Variants in ABCB11 observed in about 807,000 individuals in gnomAD.
ABCB11 encodes the protein ATP binding cassette subfamily B member 11, also known as bile salt export pump.
ABCB11 carries 95 observed loss-of-function variants against 148.0 expected under a neutral mutation model. The observed-to-expected ratio is 0.64, with a 90% CI of 0.54 to 0.76. The LOEUF is 0.76. ABCB11 is among the 30% of genes least tolerant of loss of function. The pLI, the probability that ABCB11 is intolerant of heterozygous loss-of-function variation, is 0.00. For missense variants in ABCB11, 1,523 were observed against 1,617.8 expected (o/e 0.94, Z 1.01); for synonymous variants, 591 against 555.4 (o/e 1.06, Z -0.90).
At chr2:168,980,094 G>T in intron 10 of ABCB11, 115 bp from the exon 11 acceptor site, 1 of 590,660 alleles carries the variant, frequency 1.7e-6, no homozygotes, top group Non-Finnish European at 3.0e-6. Flanking sequence ...CTCTTCTGTG[G>T]GTTCAAAAGC....
chr2:169,011,598 C>CT (rs1695189633), intron 5 of ABCB11, among the ~76,000 whole-genome samples: 1 of 152,190 alleles, frequency 6.6e-6, no homozygotes, highest in Non-Finnish European at 1.5e-5. Flanking sequence ...ACCTCCAAGT[C>CT]TGTCACTGCA....
chr2:169,011,219 G>A (rs751392590), intron 5 of ABCB11, among the ~76,000 whole-genome samples: 1 of 152,082 alleles, frequency 6.6e-6, no homozygotes, highest in Non-Finnish European at 1.5e-5. Flanking sequence ...TATACTTGAG[G>A]ACCTTTTCCT....
chr2:169,000,107 T>C (rs1284326913), intron 5 of ABCB11, among the ~76,000 whole-genome samples: 2 of 152,158 alleles, frequency 1.3e-5, no homozygotes, highest in Admixed American at 6.6e-5. Flanking sequence ...ATTTGCCATC[T>C]TTTGTCCTTA....
intron 5 of ABCB11, among the ~76,000 whole-genome samples, chr2:169,010,825 A>T (rs1695160007): frequency 6.6e-6 from 1 of 152,194 alleles, no homozygotes; most frequent in Admixed American, 6.5e-5. Flanking sequence ...TATTTAACTC[A>T]TCAAGGAGTT....
chr2:169,003,431 TATC>T (rs939308362), intron 5 of ABCB11, among the ~76,000 whole-genome samples: 14 of 150,104 alleles, frequency 9.3e-5, no homozygotes, highest in Non-Finnish European at 1.9e-4. Flanking sequence ...ATTACATATA[TATC>T]ATATCTGTAT....
Position 168,986,178 on chromosome 2 carries a change from G to A in ABCB11, c.1015C>T (p.Leu339=), listed in dbSNP as rs1694313348. The change falls in exon 10 of 28, where the codon CTG becomes TTG. Residue 339 remains leucine (L), a synonymous_variant. Transcript: ENST00000650372. ...VWCLIFLCYA[L]AFWYGSTLVL... ...AGTGTGGAGCCGTACCAGAAGGCCA[G>A]TGCATAACACAAAAAGATGAGACAC... 6.2e-7 allele frequency: 1 copy of A among 1,613,156 alleles called. No homozygotes were observed. Among genetic ancestry groups the A allele is most frequent in the South Asian group, 1.1e-5 (1 of 91,058 alleles).
intron 12 of ABCB11, among the ~76,000 whole-genome samples, chr2:168,975,328 AATAT>A (rs1457300590): frequency 3.1e-5 from 2 of 64,694 alleles, no homozygotes; most frequent in Admixed American, 3.4e-4. Flanking sequence ...TAAATATATA[AATAT>A]ATAAATATTT....
In ABCB11 at chr2:169,030,597, G is replaced by T. The variant is rs138696139; in HGVS notation, c.-28+628C>A. Among the ~76,000 whole-genome samples, 109 of 152,236 alleles carry T rather than the reference G, an allele frequency of 7.2e-4. 1 individual carries two copies. The highest frequency in any genetic ancestry group is 2.5e-3 in the African/African-American group (102 of 41,542). ...CCAGTCTGAAGTGTGAATAATATTTGATCTCTGTGCTCAAGCCATTAGCAA... is the reference window on the plus strand; with the variant it reads ...CCAGTCTGAAGTGTGAATAATATTTTATCTCTGTGCTCAAGCCATTAGCAA... On this transcript the variant is annotated intron_variant, in intron 1 of 27. Coordinates refer to ENST00000650372, the MANE Select transcript of ABCB11 (RefSeq NM_003742.4).
chr2:168,969,359 C>G lies in ABCB11; in HGVS notation c.2002G>C (p.Asp668His). 6.2e-7 allele frequency: 1 copy of G among 1,611,640 alleles called. No homozygotes were observed. The part of the protein sequence containing the change: ...SQGNQALNEE[D>H]IKDATEDDML... ...GGGAAAAAGCACTTGCCCTTTATGT[C>G]CTCTTCATTAAGAGCTTGATTTCCC... Residue 668 changes from aspartate (D) to histidine (H), a missense_variant, in exon 16 of 28, where the codon GAC becomes CAC. Transcript: ENST00000650372.
chr2:169,019,991 A>G (rs1695489448), intron 1 of ABCB11, among the ~76,000 whole-genome samples: 1 of 152,214 alleles, frequency 6.6e-6, no homozygotes, highest in Non-Finnish European at 1.5e-5. Context: ...GAGCCATGAA[A>G]GAGAGAAACA....
At chr2:169,016,640 G>A (rs1695364700) in intron 3 of ABCB11, 138 bp downstream of exon 3, 1 of 728,038 alleles carries the variant, frequency 1.4e-6, no homozygotes, top group Admixed American at 2.9e-5. Flanking sequence ...ATATTTTAAA[G>A]AGAAAAAGAA....
chr2:168,919,582 T>A (rs1202341250), downstream of ABCB11, among the ~76,000 whole-genome samples: 2 of 152,080 alleles, frequency 1.3e-5, no homozygotes, highest in Non-Finnish European at 2.9e-5. Context: ...GGTCATCTGT[T>A]CTTACATCCC....
intron 19 of ABCB11, among the ~76,000 whole-genome samples, chr2:168,955,964 C>A (rs1232935935): frequency 6.6e-6 from 1 of 151,584 alleles, no homozygotes; most frequent in Non-Finnish European, 1.5e-5. Context: ...CCAAAATAAT[C>A]TTTTTTGACA....
At chr2:169,004,046 A>T (rs1468445694) in intron 5 of ABCB11, among the ~76,000 whole-genome samples, 1 of 152,178 alleles carries the variant, frequency 6.6e-6, no homozygotes, top group Non-Finnish European at 1.5e-5. Context: ...GTTTTCCTTT[A>T]TAGGTTACCT....
At position 169,008,051 on chromosome 2, in the gene ABCB11, C is replaced by T. The variant is rs575043817; in HGVS notation, c.389+5221G>A. 2.6e-5 allele frequency among the ~76,000 whole-genome samples: 4 copies of T among 152,270 alleles called. No homozygotes were observed. The East Asian group carries it at 7.7e-4, about 29-fold the overall frequency. On this transcript the variant is annotated intron_variant, in intron 5 of 27. Transcript: ENST00000650372. ...CTGAAGAAGATGTGCAAATGGCCAACAAGCACCTAAAAAGAAGCCAAACAT... is the reference window on the plus strand; with the variant it reads ...CTGAAGAAGATGTGCAAATGGCCAATAAGCACCTAAAAAGAAGCCAAACAT...
At chr2:168,966,363 T>C (rs1322639607) in intron 17 of ABCB11, among the ~76,000 whole-genome samples, 1 of 151,868 alleles carries the variant, frequency 6.6e-6, no homozygotes, top group Non-Finnish European at 1.5e-5. Flanking sequence ...GGATATCTAC[T>C]TTATATTTTT....
At chr2:168,979,833 T>G in intron 11 of ABCB11, 33 bp downstream of exon 11, 47 of 574,788 alleles carry the variant, frequency 8.2e-5, no homozygotes, top group Non-Finnish European at 1.4e-4. Context: ...AGCCCCCACC[T>G]GTTAATGGCC....
intron 5 of ABCB11, among the ~76,000 whole-genome samples, chr2:168,999,508 C>A (rs1573961112): frequency 6.6e-6 from 1 of 152,038 alleles, no homozygotes; most frequent in East Asian, 1.9e-4. Flanking sequence ...TCCTCCTTAG[C>A]CCCAGCTACA....
intron 8 of ABCB11, among the ~76,000 whole-genome samples, chr2:168,991,500 T>C (rs1160174971): frequency 6.6e-6 from 1 of 152,048 alleles, no homozygotes; most frequent in Non-Finnish European, 1.5e-5. Flanking sequence ...CATTACTTTT[T>C]CTAAAACTGA....
Sources: allele counts gnomAD v4.1 joint callset (sites outside exome capture counted in the v4.1 genomes callset), GRCh38; gene constraint gnomAD v4.1.1; transcripts MANE v1.5; gene names NCBI Gene and HGNC (gene_info 2026-07-23, HGNC 2026-07-21).